The following UPRT variants were observed in gnomAD, a reference collection of about 807,000 sequenced individuals.
UPRT encodes RP11-311P8.3.
Under a neutral mutation model 22.6 loss-of-function variants are expected in UPRT, and 5 were observed. The ratio of observed to expected loss-of-function variants is 0.22; its 90% CI spans 0.12 to 0.47. The LOEUF (loss-of-function observed/expected upper bound fraction) is 0.47. UPRT is among the 20% of genes least tolerant of loss of function. The pLI, the probability that UPRT is intolerant of heterozygous loss-of-function variation, is 0.99. For synonymous variants in UPRT, 77 were observed against 87.7 expected, an observed-to-expected ratio of 0.88 and a Z score of 0.68; for missense variants, 181 against 239.9, an observed-to-expected ratio of 0.75 and a Z score of 1.62.
At chrX:75,223,878 G>T (rs1307196175) in intron 4 of UPRT, among the ~76,000 whole-genome samples, 1 of 111,858 alleles carries the variant, frequency 8.9e-6, no homozygotes, top group Admixed American at 9.5e-5. Context: ...TGGTGTTCCT[G>T]TGGAGGGGAA....
intron 4 of UPRT, among the ~76,000 whole-genome samples, chrX:75,239,452 A>C (rs981098357): frequency 1.8e-5 from 2 of 111,327 alleles, no homozygotes; most frequent in African/African-American, 3.3e-5. Flanking sequence ...TTGAAACAGT[A>C]ATAAAAAAAA....
intron 4 of UPRT, among the ~76,000 whole-genome samples, chrX:75,233,395 C>T (rs1024382300): frequency 1.8e-5 from 2 of 111,086 alleles, no homozygotes; most frequent in Admixed American, 9.6e-5. Flanking sequence ...TCCCCAATCT[C>T]GCAAGGCAGG....
chrX:75,254,931 G>A (rs1288158117), intron 4 of UPRT, among the ~76,000 whole-genome samples: 14 of 109,504 alleles, frequency 1.3e-4, no homozygotes, highest in South Asian at 4.0e-4. Flanking sequence ...GCCCGCCACC[G>A]CACCCGGCTA....
intron 4 of UPRT, among the ~76,000 whole-genome samples, chrX:75,169,793 G>T (rs2082221812): frequency 8.9e-6 from 1 of 111,902 alleles, no homozygotes; most frequent in South Asian, 3.7e-4. Context: ...AAGTCCATTT[G>T]TTCCAGAGTA....
chrX:75,227,759 C>A (rs2082427566), intron 4 of UPRT, among the ~76,000 whole-genome samples: 1 of 112,100 alleles, frequency 8.9e-6, no homozygotes, highest in African/African-American at 3.2e-5. Flanking sequence ...AATTAAGGGA[C>A]ATATGTTGAG....
At chrX:75,303,360 G>A (rs2082750939) in intron 6 of UPRT, 45 bp from the exon 7 acceptor site, 1 of 1,017,365 alleles carries the variant, frequency 9.8e-7, no homozygotes, top group African/African-American at 1.9e-5. Flanking sequence ...ATTACAACTG[G>A]TGTTACCAAA....
At chrX:75,272,437 C>T (rs1201679655), upstream of UPRT, among the ~76,000 whole-genome samples, 7 of 103,986 alleles carry the variant, frequency 6.7e-5, no homozygotes, top group African/African-American at 2.5e-4. Flanking sequence ...TTGCAGCGAC[C>T]TGGATGAGAT....
chrX:75,277,545 T>A (rs1236509808), intron 1 of UPRT, among the ~76,000 whole-genome samples: 1 of 110,931 alleles, frequency 9.0e-6, no homozygotes, highest in Non-Finnish European at 1.9e-5. Flanking sequence ...ATGGAGCCCC[T>A]GGGAGGCTAA....
chrX:75,273,089 G>A (rs1283601831), upstream of UPRT, among the ~76,000 whole-genome samples: 2 of 111,349 alleles, frequency 1.8e-5, no homozygotes, highest in Non-Finnish European at 3.8e-5. Context: ...AAAACCAAAT[G>A]CTGCATGTTC....
At chrX:75,239,774 G>A (rs1019434605) in intron 4 of UPRT, among the ~76,000 whole-genome samples, 10 of 111,538 alleles carry the variant, frequency 9.0e-5, no homozygotes, top group African/African-American at 3.3e-4. Context: ...TTTCATACCA[G>A]GGATGCAGAG....
At chrX:75,194,080 G>A (rs1024833799) in intron 4 of UPRT, among the ~76,000 whole-genome samples, 2 of 111,895 alleles carry the variant, frequency 1.8e-5, no homozygotes, top group African/African-American at 3.2e-5. Context: ...TCTCACCTTT[G>A]TGGGCTAATG....
intron 4 of UPRT, among the ~76,000 whole-genome samples, chrX:75,184,383 A>C (rs2082281804): frequency 9.3e-6 from 1 of 106,972 alleles, no homozygotes; most frequent in Non-Finnish European, 1.9e-5. Flanking sequence ...ATTGATCTAT[A>C]TCTCTGTTTT....
At chrX:75,243,828 T>A (rs979572892) in intron 4 of UPRT, among the ~76,000 whole-genome samples, 3 of 111,753 alleles carry the variant, frequency 2.7e-5, no homozygotes, top group African/African-American at 9.7e-5. Flanking sequence ...TTAAAATTCA[T>A]TACTGCATTT....
chrX:75,289,997 C>T (rs1177648904), intron 1 of UPRT, among the ~76,000 whole-genome samples: 3 of 111,998 alleles, frequency 2.7e-5, no homozygotes, highest in Non-Finnish European at 5.6e-5. Context: ...AAGAAACTAT[C>T]AACAGAGTAA....
chrX:75,282,840 C>T (rs2082663965), intron 1 of UPRT, among the ~76,000 whole-genome samples: 1 of 111,604 alleles, frequency 9.0e-6, no homozygotes, highest in Non-Finnish European at 1.9e-5. Flanking sequence ...GACCTTCTGT[C>T]TTGATGACCT....
chrX:75,298,552 T>C (rs934944911), intron 4 of UPRT, among the ~76,000 whole-genome samples: 14 of 112,097 alleles, frequency 1.2e-4, no homozygotes, highest in African/African-American at 4.5e-4. Flanking sequence ...TTTGCATAAG[T>C]GGTAGAAGCT....
chrX:75,258,988 G>A (rs898550652), intron 4 of UPRT, among the ~76,000 whole-genome samples: 5 of 111,857 alleles, frequency 4.5e-5, no homozygotes, highest in Non-Finnish European at 9.4e-5. Flanking sequence ...AGGGTCTGGA[G>A]TGGACCTCCA....
Position 75,284,057 on chromosome X carries a change from A to G in UPRT, c.387-9415A>G, listed in dbSNP as rs138225269. Among the ~76,000 whole-genome samples the G allele has an allele frequency of 3.7e-3, 412 of 111,258 alleles. 3 individuals are homozygous for G. The highest frequency in any genetic ancestry group is 0.013 in the African/African-American group (392 of 30,618). On this transcript the variant is annotated intron_variant, in intron 1 of 6. Coordinates refer to ENST00000373383, the MANE Select transcript of UPRT (RefSeq NM_145052.4). ...CAAATACCTTGTCTTCAAGCTGTCA[A>G]TTTCTGTCTTCTACTTGTTCAATTC... is the stretch of plus-strand genomic sequence containing the variant.
At chrX:75,223,605 C>G (rs2147637222) in intron 4 of UPRT, among the ~76,000 whole-genome samples, 1 of 111,683 alleles carries the variant, frequency 9.0e-6, no homozygotes, top group Admixed American at 9.5e-5. Context: ...CATCATGTTG[C>G]TTTCCACTGA....
Sources: allele counts gnomAD v4.1 joint callset (sites outside exome capture counted in the v4.1 genomes callset), GRCh38; gene constraint gnomAD v4.1.1; transcripts MANE v1.5; gene names NCBI Gene and HGNC (gene_info 2026-07-23, HGNC 2026-07-21).